ADAMTS4: variants seen among roughly 807,000 people sequenced by gnomAD.
The protein encoded by ADAMTS4 is A disintegrin and metalloproteinase with thrombospondin motifs 4.
Under a neutral mutation model 66.7 loss-of-function variants are expected in ADAMTS4, and 38 were observed. The ratio of observed to expected loss-of-function variants is 0.57; its 90% CI spans 0.44 to 0.75. The LOEUF is 0.75. Among genes scored for constraint, ADAMTS4 ranks in the 30% least tolerant of loss-of-function variants. The probability of loss-of-function intolerance (pLI) is 0.00; values close to 1 mark genes in which losing one functional copy is unlikely to be tolerated. For synonymous variants in ADAMTS4, 418 were observed against 461.5 expected, an observed-to-expected ratio of 0.91 and a Z score of 1.21; for missense variants, 1,014 against 1,116.7, an observed-to-expected ratio of 0.91 and a Z score of 1.31.
In ADAMTS4 at chr1:161,185,747, A is replaced by G. The variant is rs1344867362; in HGVS notation, c.*5391T>C. 6.6e-6 allele frequency: 1 copy of G among 152,236 alleles called. No homozygotes were observed. Among genetic ancestry groups the G allele is most frequent in the East Asian group, 1.9e-4 (1 of 5,206 alleles). 9.4% of individuals were successfully genotyped at this position (152,236 alleles called of 1,614,324 possible). Reference sequence around the variant, plus strand: ...GTATGAAGATTACAGAAATGAGACTAGAGATGGAAGAGAAGTGTAAATGCC... The same window carrying G: ...GTATGAAGATTACAGAAATGAGACTGGAGATGGAAGAGAAGTGTAAATGCC... On this transcript the variant is annotated 3_prime_UTR_variant, in exon 9 of 9. Coordinates refer to ENST00000367996, the MANE Select transcript of ADAMTS4 (RefSeq NM_005099.6).
rs376127189 is a variant in ADAMTS4 at position 161,198,841 on chromosome 1, A to G, written c.-214T>C. 4.1e-5 allele frequency: 20 copies of G among 490,422 alleles called. No individual in the cohort carries two copies. The highest frequency in any genetic ancestry group is 3.7e-4 in the African/African-American group (19 of 51,480). 30.4% of individuals were successfully genotyped at this position (490,422 alleles called of 1,614,324 possible). ...GGTGCCCAGGGGTCTGGCTTCTCCAAACTCTCCTCCTGAGCCCTCCTTTCC... is the reference window on the plus strand; with the variant it reads ...GGTGCCCAGGGGTCTGGCTTCTCCAGACTCTCCTCCTGAGCCCTCCTTTCC... On this transcript the variant is annotated 5_prime_UTR_variant, in exon 1 of 9. Coordinates refer to ENST00000367996, the MANE Select transcript of ADAMTS4 (RefSeq NM_005099.6). This position sits in a 1 kb window ranked among gnomAD's most constrained non-coding sequence, Gnocchi z 4.7.
chr1:161,190,816 A>T lies in ADAMTS4; in HGVS notation c.*322T>A, dbSNP rs926768964. 6 of 253,234 alleles carry T rather than the reference A, an allele frequency of 2.4e-5. No homozygotes were observed. The highest frequency in any genetic ancestry group is 4.6e-5 in the Non-Finnish European group (6 of 130,158). 15.7% of individuals were successfully genotyped at this position (253,234 alleles called of 1,614,324 possible). On this transcript the variant is annotated 3_prime_UTR_variant, in exon 9 of 9. Transcript: ENST00000367996. Reference sequence around the variant, plus strand: ...GTCCCCTTCCCTGGTGCTAAATAAAAGTGAATAAATACTAAATAAATACAA... The same window carrying T: ...GTCCCCTTCCCTGGTGCTAAATAAATGTGAATAAATACTAAATAAATACAA...
At chr1:161,191,959 C>A in intron 8 of ADAMTS4, 106 bp downstream of exon 8, 1 of 1,340,496 alleles carries the variant, frequency 7.5e-7, no homozygotes, top group Non-Finnish European at 1.0e-6. Context: ...CTATCTCCCG[C>A]TAGACTGTGA....
intron 1 of ADAMTS4, 49 bp from the exon 2 acceptor site, chr1:161,196,929 A>C: frequency 6.6e-7 from 1 of 1,504,584 alleles, no homozygotes; most frequent in Non-Finnish European, 8.9e-7. Context: ...TCTCAGACCC[A>C]TGGGTCGGTC....
chr1:161,187,952 T>TC lies in ADAMTS4; in HGVS notation c.*3185_*3186insG, dbSNP rs1249348719. 1 of 133,506 alleles carries TC rather than the reference T, an allele frequency of 7.5e-6. No individual in the cohort carries two copies. The highest frequency in any genetic ancestry group is 1.6e-5 in the Non-Finnish European group (1 of 61,376). The allele number at this position is 133,506 out of a possible 1,614,324, so 8.3% of individuals were successfully genotyped here. On this transcript the variant is annotated 3_prime_UTR_variant, in exon 9 of 9. Coordinates refer to ENST00000367996, the MANE Select transcript of ADAMTS4 (RefSeq NM_005099.6). ...AGAGGACTGCCCAAGTTCTTTTTTT[T>TC]TTTTTTTTTTTTTTTGAGATGGAGT...
intron 3 of ADAMTS4, 37 bp downstream of exon 3, chr1:161,196,134 T>C: frequency 2.0e-6 from 3 of 1,491,504 alleles, no homozygotes; most frequent in Non-Finnish European, 2.7e-6. Context: ...CCCCACCTTC[T>C]CCTCCCTAAT....
At position 161,196,706 on chromosome 1, in the gene ADAMTS4, C is replaced by T. The variant is rs1315017217; in HGVS notation, c.808G>A (p.Val270Met). 2 of 1,613,934 alleles carry T rather than the reference C, an allele frequency of 1.2e-6. No individual in the cohort carries two copies. The highest frequency in any genetic ancestry group is 1.7e-6 in the Non-Finnish European group (2 of 1,180,022). Residue 270 changes from valine to methionine, a missense_variant, in exon 2 of 9, where the codon GTG becomes ATG. Val to Met is a conservative substitution (Grantham distance 21). Coordinates refer to ENST00000367996, the MANE Select transcript of ADAMTS4 (RefSeq NM_005099.6). ...CCCTCCTCGCCTGACCCCAGGATCA[C>T]TAGCCGAGTCACCACCAAGCTGACA... is the stretch of plus-strand genomic sequence containing the variant. ...NPVSLVVTRL[V>M]ILGSGEEGPQ...
At chr1:161,197,025 C>A (rs552590161) in intron 1 of ADAMTS4, 145 bp from the exon 2 acceptor site, 3 of 781,230 alleles carry the variant, frequency 3.8e-6, no homozygotes, top group African/African-American at 3.5e-5. Flanking sequence ...TGACTCCTGG[C>A]GGGTCTTGGT....
rs1047501896 is a variant in ADAMTS4, at chr1:161,190,887, G to A, written c.*251C>T. On this transcript the variant is annotated 3_prime_UTR_variant, in exon 9 of 9. Transcript: ENST00000367996. The stretch of plus-strand genomic sequence containing the variant: ...GCCTTCCCCCTCCCTCCTGTGACCC[G>A]CAGGGCAGAGGGGGCAGTTTAGATG... 24 of 421,682 alleles carry A rather than the reference G, an allele frequency of 5.7e-5. No homozygotes were observed. The highest frequency in any genetic ancestry group is 3.6e-4 in the South Asian group (6 of 16,550). 26.1% of individuals were successfully genotyped at this position (421,682 alleles called of 1,614,324 possible).
At position 161,191,251 on chromosome 1, in the gene ADAMTS4, A is replaced by G. The variant is rs767560823; in HGVS notation, c.2401T>C (p.Phe801Leu). The G allele has an allele frequency of 6.2e-7, 1 of 1,613,748 alleles. No homozygotes were observed. Among genetic ancestry groups the G allele is most frequent in the Non-Finnish European group, 8.5e-7 (1 of 1,179,928 alleles). Residue 801 changes from phenylalanine to leucine, a missense_variant, in exon 9 of 9, where the codon TTC (phenylalanine) becomes CTC (leucine). Physicochemically the swap from Phe to Leu is conservative, Grantham distance 22 (BLOSUM62 0). Coordinates refer to ENST00000367996, the MANE Select transcript of ADAMTS4 (RefSeq NM_005099.6). The part of the protein sequence containing the change: ...PQDTRLRYSF[F>L]VPRPTPSTPR... ...GTTGAAGGGGTCGGCCGGGGCACGA[A>G]GAAGCTGTATCGGAGGCGTGTGTCC...
chr1:161,198,005 C>A lies in ADAMTS4; in HGVS notation c.623G>T (p.Arg208Leu). ...APLGSPSPRP[R>L]RAKRFASLSR... is the part of the protein sequence containing the mutation. The stretch of plus-strand genomic sequence containing the variant: ...TCCAGAGATGCCTACCTTGGCTCTT[C>A]GGGGTCTGGGGCTGGGGCTTCCAAG... The change falls in exon 1 of 9, where the codon CGA (arginine) becomes CTA (leucine). Residue 208 changes from arginine (R) to leucine (L), a missense_variant. Arg to Leu is a moderately radical substitution (Grantham distance 102, BLOSUM62 -2). Coordinates refer to ENST00000367996, the MANE Select transcript of ADAMTS4 (RefSeq NM_005099.6). This position sits in a 1 kb window ranked among gnomAD's most constrained non-coding sequence, Gnocchi z 4.7. 1 of 1,559,852 alleles carries A rather than the reference C, an allele frequency of 6.4e-7. No homozygotes were observed. Among genetic ancestry groups the A allele is most frequent in the Non-Finnish European group, 8.7e-7 (1 of 1,150,946 alleles).
At chr1:161,191,788 C>T (rs1034893655) in intron 8 of ADAMTS4, among the ~76,000 whole-genome samples, 2 of 152,162 alleles carry the variant, frequency 1.3e-5, no homozygotes, top group African/African-American at 4.8e-5. Context: ...CCTTCCAAGC[C>T]CCACTTCCTT....
rs1664965794 is a variant in ADAMTS4, at chr1:161,198,496, A to G, written c.132T>C (p.Ser44=). 2 of 1,567,240 alleles carry G rather than the reference A, an allele frequency of 1.3e-6. No homozygotes were observed. The highest frequency in any genetic ancestry group is 4.7e-5 in the East Asian group (2 of 42,128). Residue 44 remains serine (S), a synonymous_variant, in exon 1 of 9, where the codon TCT becomes TCC. Transcript: ENST00000367996. This position sits in a 1 kb window ranked among gnomAD's most constrained non-coding sequence, Gnocchi z 4.7. ...LVWLLLLLLA[S]LLPSARLASP... ...TGGCCAGCCGGGCTGAGGGCAGGAG[A>G]GAGGCCAGCAGTAGCAGAAGCAGCC...
chr1:161,196,040 G>C (rs1048499174), intron 3 of ADAMTS4, 131 bp downstream of exon 3: 2 of 1,134,436 alleles, frequency 1.8e-6, no homozygotes, highest in East Asian at 5.1e-5. Context: ...CTGGAGCAGA[G>C]AGGAGTAATA....
At chr1:161,192,265 C>G in intron 7 of ADAMTS4, 25 bp from the exon 8 acceptor site, 1 of 1,604,452 alleles carries the variant, frequency 6.2e-7, no homozygotes, top group Non-Finnish European at 8.5e-7. Context: ...AAGAACAATG[C>G]TGAAGGTTCC....
intron 8 of ADAMTS4, 46 bp downstream of exon 8, chr1:161,192,019 C>A (rs747949266): frequency 3.1e-6 from 5 of 1,593,748 alleles, no homozygotes; most frequent in Admixed American, 3.4e-5. Context: ...ATCACTAGGA[C>A]CCAGAATGTC....
At position 161,194,075 on chromosome 1, in the gene ADAMTS4, G is replaced by A. The variant is rs1664753683; in HGVS notation, c.1408C>T (p.Leu470Phe). The change falls in exon 5 of 9, where the codon CTC becomes TTC. Residue 470 changes from leucine (L) to phenylalanine (F), a missense_variant. Physicochemically the swap from Leu to Phe is conservative, Grantham distance 22. Transcript: ENST00000367996. This position sits in a 1 kb window ranked among gnomAD's most constrained non-coding sequence, Gnocchi z 4.1. ...CPQLPPPCAA[L>F]WCSGHLNGHA... ...CCATTGAGGTGGCCAGAGCACCAGA[G>A]GGCAGCACAGGGCGGCGGCAGCTGT... The A allele has an allele frequency of 1.9e-6, 3 of 1,614,232 alleles. No individual in the cohort carries two copies. In the East Asian group the frequency reaches 6.7e-5, roughly 36 times the overall value.
rs1328423982 is a variant in ADAMTS4, at chr1:161,188,156, A to G, written c.*2982T>C. The G allele has an allele frequency of 1.4e-5, 2 of 143,428 alleles. No homozygotes were observed. The highest frequency in any genetic ancestry group is 3.0e-5 in the Non-Finnish European group (2 of 66,386). 8.9% of individuals were successfully genotyped at this position (143,428 alleles called of 1,614,324 possible). A position where few individuals can be genotyped will look rare whatever the true frequency, so the allele number is the denominator to read the frequency against. On this transcript the variant is annotated 3_prime_UTR_variant, in exon 9 of 9. Transcript: ENST00000367996. ...TTTTTAGTAGAGATGGGGTTTCACCATGTTGGCCTGGCTGGTTTTGAACCT... is the reference window on the plus strand; with the variant it reads ...TTTTTAGTAGAGATGGGGTTTCACCGTGTTGGCCTGGCTGGTTTTGAACCT...
chr1:161,196,328 G>T (rs771739043), intron 2 of ADAMTS4, 25 bp from the exon 3 acceptor site: 1 of 1,582,500 alleles, frequency 6.3e-7, no homozygotes, highest in Non-Finnish European at 8.6e-7. Flanking sequence ...CATAGAAGGT[G>T]CATAGACAGC....
Sources: allele counts gnomAD v4.1 joint callset (sites outside exome capture counted in the v4.1 genomes callset), GRCh38; gene constraint gnomAD v4.1.1; non-coding constraint Gnocchi (gnomAD v3.1); transcripts MANE v1.5; gene names NCBI Gene and HGNC (gene_info 2026-07-23, HGNC 2026-07-21).